The following TBC1D15 variants were observed in gnomAD, a reference collection of about 807,000 sequenced individuals.
The protein encoded by TBC1D15 is TBC1 domain family member 15, also known as GAP for RAB7.
In TBC1D15, 39 loss-of-function variants were observed where a neutral mutation model predicts 95.4. The ratio of observed to expected loss-of-function variants is 0.41; its 90% CI spans 0.32 to 0.53. The LOEUF is 0.53. Among genes scored for constraint, TBC1D15 ranks in the 20% least tolerant of loss-of-function variants. TBC1D15 has a pLI of 0.29. For missense variants in TBC1D15, 733 were observed against 794.3 expected, an observed-to-expected ratio of 0.92 and a Z score of 0.93; for synonymous variants, 258 against 261.3, an observed-to-expected ratio of 0.99 and a Z score of 0.12.
At chr12:71,920,873 T>C in intron 15 of TBC1D15, 26 bp downstream of exon 15, 1 of 1,546,676 alleles carries the variant, frequency 6.5e-7, no homozygotes, top group Non-Finnish European at 8.9e-7. Context: ...ATTCAGATTT[T>C]AGTGTTCTGG....
intron 1 of TBC1D15, among the ~76,000 whole-genome samples, chr12:71,865,807 A>C (rs968398614): frequency 6.6e-5 from 10 of 152,080 alleles, no homozygotes; most frequent in African/African-American, 2.2e-4. Flanking sequence ...CAGCTCAGGC[A>C]GGGCACCAGT....
chr12:71,870,858 A>C (rs1592730583), intron 1 of TBC1D15, among the ~76,000 whole-genome samples: 2 of 152,330 alleles, frequency 1.3e-5, no homozygotes, highest in East Asian at 3.9e-4. Context: ...AGCTAAAAAC[A>C]GGAAGATACA....
At chr12:71,905,022 T>C (rs1044083406) in intron 10 of TBC1D15, among the ~76,000 whole-genome samples, 1 of 152,250 alleles carries the variant, frequency 6.6e-6, no homozygotes, top group South Asian at 2.1e-4. Context: ...TAATAAGAGG[T>C]TTTTGTTTTT....
At chr12:71,921,763 T>C (rs1869441726) in intron 16 of TBC1D15, among the ~76,000 whole-genome samples, 2 of 152,198 alleles carry the variant, frequency 1.3e-5, no homozygotes, top group Admixed American at 1.3e-4. Flanking sequence ...CAGAATAGGC[T>C]GTCATATTAA....
chr12:71,921,787 C>G (rs1869450986), intron 16 of TBC1D15, among the ~76,000 whole-genome samples: 1 of 152,120 alleles, frequency 6.6e-6, no homozygotes, highest in Non-Finnish European at 1.5e-5. Context: ...TGCAGAATCT[C>G]TAAACAAAAA....
chr12:71,891,480 G>A (rs1452097846), intron 5 of TBC1D15, among the ~76,000 whole-genome samples: 1 of 152,146 alleles, frequency 6.6e-6, no homozygotes, highest in Non-Finnish European at 1.5e-5. Context: ...TTAAATCAGT[G>A]TGGTGACCCA....
intron 5 of TBC1D15, among the ~76,000 whole-genome samples, chr12:71,887,296 A>G (rs368989995): frequency 1.0e-3 from 134 of 130,686 alleles, no homozygotes; most frequent in African/African-American, 4.0e-3. Context: ...AGAAAATACT[A>G]TTCTGTATTG....
chr12:71,873,382 A>G (rs1311625782), intron 3 of TBC1D15, among the ~76,000 whole-genome samples: 3 of 152,146 alleles, frequency 2.0e-5, no homozygotes, highest in Non-Finnish European at 4.4e-5. Flanking sequence ...TCTGTGTTAC[A>G]TAGCATGTAT....
chr12:71,917,378 A>G (rs1429460246), intron 12 of TBC1D15, among the ~76,000 whole-genome samples: 1 of 152,180 alleles, frequency 6.6e-6, no homozygotes, highest in Non-Finnish European at 1.5e-5. Flanking sequence ...TTATTTCCCA[A>G]ATGTGTGTTT....
At chr12:71,864,496 T>TTTTG (rs1555196891) in intron 1 of TBC1D15, among the ~76,000 whole-genome samples, 8 of 151,922 alleles carry the variant, frequency 5.3e-5, no homozygotes, top group South Asian at 2.1e-4. Context: ...TGTTTTTTTT[T>TTTTG]TTTGTTTGTT....
chr12:71,849,358 TGTC>T (rs1244469843), intron 1 of TBC1D15: 1 of 1,382,710 alleles, frequency 7.2e-7, no homozygotes, highest in Non-Finnish European at 1.0e-6. Flanking sequence ...TTCTAGCTGT[TGTC>T]CAAGGAATGA....
intron 1 of TBC1D15, among the ~76,000 whole-genome samples, chr12:71,863,099 C>T (rs78661771): frequency 6.6e-6 from 1 of 152,098 alleles, no homozygotes; most frequent in Non-Finnish European, 1.5e-5. Flanking sequence ...TGCTTTTAGG[C>T]CGGGTGTGGT....
intron 5 of TBC1D15, among the ~76,000 whole-genome samples, chr12:71,885,282 AATG>A (rs1284691542): frequency 2.0e-5 from 3 of 152,230 alleles, no homozygotes; most frequent in African/African-American, 2.4e-5. Context: ...CATTTAAATG[AATG>A]ATGATGCATT....
At position 71,918,476 on chromosome 12, in the gene TBC1D15, T is replaced by C. The variant is rs772496894; in HGVS notation, c.1527T>C (p.Tyr509=). The C allele has an allele frequency of 3.2e-5, 52 of 1,608,640 alleles. No homozygotes were observed. In the South Asian group the frequency reaches 3.8e-4, roughly 12 times the overall value. ...AATCTCAGGACTCTGGATACCTTTATTTTTGCTTCAGGTGGCTTTTAATCA... is the reference window on the plus strand; with the variant it reads ...AATCTCAGGACTCTGGATACCTTTACTTTTGCTTCAGGTGGCTTTTAATCA... ...YLESQDSGYL[Y]FCFRWLLIRF... The change falls in exon 14 of 17, where the codon TAT becomes TAC. Residue 509 remains tyrosine, a synonymous_variant. Coordinates refer to ENST00000485960, the MANE Select transcript of TBC1D15 (RefSeq NM_001146213.3).
chr12:71,919,756 AGTT>A (rs1592838806), intron 14 of TBC1D15, among the ~76,000 whole-genome samples: 1 of 152,140 alleles, frequency 6.6e-6, no homozygotes, highest in African/African-American at 2.4e-5. Context: ...AGCATGTGGG[AGTT>A]GTTTATATCC....
At chr12:71,859,874 G>A (rs1253665353) in intron 1 of TBC1D15, among the ~76,000 whole-genome samples, 1 of 152,166 alleles carries the variant, frequency 6.6e-6, no homozygotes, top group African/African-American at 2.4e-5. Flanking sequence ...GCCTCCCAAA[G>A]TGCTAGGATT....
intron 16 of TBC1D15, among the ~76,000 whole-genome samples, chr12:71,922,428 A>G (rs1000957311): frequency 5.3e-5 from 8 of 151,874 alleles, no homozygotes; most frequent in African/African-American, 1.9e-4. Flanking sequence ...TCTAGGGTAC[A>G]TGTGCACAAC....
At chr12:71,879,843 G>A (rs972230197) in intron 3 of TBC1D15, among the ~76,000 whole-genome samples, 1 of 152,124 alleles carries the variant, frequency 6.6e-6, no homozygotes, top group Admixed American at 6.5e-5. Flanking sequence ...ATTTTAGAAA[G>A]ATGTTGTAGT....
In TBC1D15 at chr12:71,894,897, A is replaced by G. The variant is rs760034568; in HGVS notation, c.855+14A>G. The G allele has an allele frequency of 6.2e-7, 1 of 1,606,736 alleles. No individual in the cohort carries two copies. Among genetic ancestry groups the G allele is most frequent in the Non-Finnish European group, 8.5e-7 (1 of 1,174,504 alleles). On this transcript the variant is annotated intron_variant, in intron 7 of 16. Coordinates refer to ENST00000485960, the MANE Select transcript of TBC1D15 (RefSeq NM_001146213.3). The stretch of plus-strand genomic sequence containing the variant: ...GTCATCACAAGAGTGAGTAAAGATT[A>G]GTATTAATATAGCTCTTATATTTTA...
Sources: gnomAD v4.1 joint callset for allele counts (sites outside exome capture counted in the v4.1 genomes callset) on GRCh38, gnomAD v4.1.1 for gene constraint, MANE v1.5 for transcripts, NCBI Gene and HGNC (gene_info 2026-07-23, HGNC 2026-07-21) for gene names.